Variants in IQCJ observed in about 807,000 individuals in gnomAD.
The protein encoded by IQCJ is IQ motif containing J.
Under a neutral mutation model 11.0 loss-of-function variants are expected in IQCJ, and 9 were observed. That is an observed-to-expected ratio of 0.82 (90% CI 0.49 to 1.43). The LOEUF (loss-of-function observed/expected upper bound fraction) is 1.43, where lower values mean the gene tolerates loss of function less well. IQCJ is among the 40% of genes most tolerant of loss of function. IQCJ has a pLI of 0.00. For synonymous variants in IQCJ, 55 were observed against 51.3 expected (o/e 1.07, Z -0.31); for missense variants, 146 against 133.2 (o/e 1.10, Z -0.47).
At chr3:159,170,640 A>G (rs1051721755) in intron 1 of IQCJ, among the ~76,000 whole-genome samples, 1 of 134,286 alleles carries the variant, frequency 7.4e-6, no homozygotes. Context: ...CCAGCTCCTC[A>G]CCCTTTTTTT....
chr3:159,103,834 A>G lies in IQCJ; in HGVS notation c.9+34393A>G, dbSNP rs1258800637. Reference sequence around the variant, plus strand: ...TGAAGCTTAAATCTGGAATAGGTACATTGTTTTGAGAAGTAATAATGCTAG... The same window carrying G: ...TGAAGCTTAAATCTGGAATAGGTACGTTGTTTTGAGAAGTAATAATGCTAG... On this transcript the variant is annotated intron_variant, in intron 1 of 3. Transcript: ENST00000397832. Among the ~76,000 whole-genome samples the G allele has an allele frequency of 3.3e-5, 5 of 152,280 alleles. No homozygotes were observed. In the South Asian group the frequency reaches 6.2e-4, roughly 19 times the overall value.
chr3:159,185,018 G>A (rs1420314487), intron 1 of IQCJ, among the ~76,000 whole-genome samples: 3 of 152,234 alleles, frequency 2.0e-5, no homozygotes, highest in African/African-American at 4.8e-5. Context: ...AATCATGGCC[G>A]CATAGCCACA....
intron 1 of IQCJ, among the ~76,000 whole-genome samples, chr3:159,230,514 A>G (rs1369059760): frequency 6.6e-6 from 1 of 152,220 alleles, no homozygotes; most frequent in East Asian, 1.9e-4. Flanking sequence ...AAAACCCAGC[A>G]TCTACTGGGT....
intron 1 of IQCJ, among the ~76,000 whole-genome samples, chr3:159,090,266 A>G (rs890162361): frequency 1.3e-5 from 2 of 151,632 alleles, no homozygotes; most frequent in Admixed American, 6.6e-5. Flanking sequence ...GGACCCACTT[A>G]AGGAGGCAGT....
chr3:159,108,987 G>T (rs1408962333), intron 1 of IQCJ, among the ~76,000 whole-genome samples: 2 of 152,200 alleles, frequency 1.3e-5, no homozygotes, highest in Admixed American at 6.5e-5. Flanking sequence ...GACTGTACTA[G>T]ACACTTTAAA....
At chr3:159,162,708 C>G (rs890588371) in intron 1 of IQCJ, among the ~76,000 whole-genome samples, 1 of 152,012 alleles carries the variant, frequency 6.6e-6, no homozygotes, top group Non-Finnish European at 1.5e-5. Flanking sequence ...AGAGAAGAAT[C>G]AAATAGACGC....
chr3:159,149,638 T>A (rs577183319), intron 1 of IQCJ, among the ~76,000 whole-genome samples: 2 of 152,284 alleles, frequency 1.3e-5, no homozygotes, highest in South Asian at 2.1e-4. Flanking sequence ...TGAAGCAGCT[T>A]TTGAAAATCT....
chr3:159,211,751 G>GT (rs1724966198), intron 1 of IQCJ, among the ~76,000 whole-genome samples: 1 of 152,142 alleles, frequency 6.6e-6, no homozygotes, highest in African/African-American at 2.4e-5. Flanking sequence ...AAGCACTGGT[G>GT]TGGATCATCA....
intron 1 of IQCJ, among the ~76,000 whole-genome samples, chr3:159,201,616 T>G (rs1724342127): frequency 6.9e-6 from 1 of 144,324 alleles, no homozygotes; most frequent in South Asian, 2.3e-4. Flanking sequence ...ACAAAACTGT[T>G]GATAATGATT....
At chr3:159,084,440 G>C (rs757679363) in intron 1 of IQCJ, among the ~76,000 whole-genome samples, 1 of 152,054 alleles carries the variant, frequency 6.6e-6, no homozygotes, top group African/African-American at 2.4e-5. Context: ...AGTCTTTGAT[G>C]AGCTTGCCCA....
At chr3:159,164,115 A>G (rs183618035) in intron 1 of IQCJ, among the ~76,000 whole-genome samples, 1 of 152,242 alleles carries the variant, frequency 6.6e-6, no homozygotes, top group African/African-American at 2.4e-5. Context: ...AAATTCACCC[A>G]AGTGGTAACC....
chr3:159,146,492 C>G (rs891272137), intron 1 of IQCJ, among the ~76,000 whole-genome samples: 1 of 152,124 alleles, frequency 6.6e-6, no homozygotes, highest in African/African-American at 2.4e-5. Flanking sequence ...CTTCACGATG[C>G]AAGCTTCTTT....
At chr3:159,140,405 C>T (rs1307800719) in intron 1 of IQCJ, among the ~76,000 whole-genome samples, 1 of 152,102 alleles carries the variant, frequency 6.6e-6, no homozygotes, top group Admixed American at 6.6e-5. Context: ...GTGGATGGAG[C>T]ACAACAGAGA....
chr3:159,081,903 G>C (rs961654523), intron 1 of IQCJ, among the ~76,000 whole-genome samples: 5 of 152,068 alleles, frequency 3.3e-5, no homozygotes, highest in Non-Finnish European at 7.4e-5. Flanking sequence ...TGATCATCTT[G>C]TATTTCAGCA....
chr3:159,144,661 G>GACACAGACAC (rs1720821620), intron 1 of IQCJ, among the ~76,000 whole-genome samples: 1 of 150,220 alleles, frequency 6.7e-6, no homozygotes, highest in African/African-American at 2.4e-5. Flanking sequence ...TACACACACA[G>GACACAGACAC]ACACACACAC....
intron 3 of IQCJ, among the ~76,000 whole-genome samples, chr3:159,255,989 G>T (rs1407342087): frequency 6.6e-6 from 1 of 152,192 alleles, no homozygotes. Flanking sequence ...CACAGCAAAG[G>T]AATGCAGGCT....
intron 1 of IQCJ, among the ~76,000 whole-genome samples, chr3:159,130,778 G>T (rs765918275): frequency 2.3e-4 from 35 of 152,192 alleles, no homozygotes; most frequent in Non-Finnish European, 4.4e-4. Context: ...GTTAAGTGGA[G>T]TATGGTTATA....
At chr3:159,108,102 C>T (rs1475029475) in intron 1 of IQCJ, among the ~76,000 whole-genome samples, 1 of 151,918 alleles carries the variant, frequency 6.6e-6, no homozygotes, top group Non-Finnish European at 1.5e-5. Flanking sequence ...ATATTACTCC[C>T]TAGTTCAGGT....
chr3:159,084,261 TAGGG>T (rs1716544104), intron 1 of IQCJ, among the ~76,000 whole-genome samples: 2 of 132,230 alleles, frequency 1.5e-5, no homozygotes, highest in African/African-American at 5.7e-5. Flanking sequence ...AAAAAAAAAA[TAGGG>T]AGAAAAATGA....
Sources: gnomAD v4.1 joint callset for allele counts (sites outside exome capture counted in the v4.1 genomes callset) on GRCh38, gnomAD v4.1.1 for gene constraint, MANE v1.5 for transcripts, NCBI Gene and HGNC (gene_info 2026-07-23, HGNC 2026-07-21) for gene names.